Variants in ARHGAP10 observed in about 807,000 individuals in gnomAD.
ARHGAP10 encodes the protein rho GTPase-activating protein 10.
Under a neutral mutation model 108.6 loss-of-function variants are expected in ARHGAP10, and 87 were observed. That is an observed-to-expected ratio of 0.80 (90% confidence interval 0.67 to 0.96). The LOEUF is 0.96. Among genes scored for constraint, ARHGAP10 ranks in the 40% least tolerant of loss-of-function variants. The pLI, the probability that ARHGAP10 is intolerant of heterozygous loss-of-function variation, is 0.00. For synonymous variants in ARHGAP10, 347 were observed against 341.1 expected, an observed-to-expected ratio of 1.02 and a Z score of -0.19; for missense variants, 939 against 954.5, an observed-to-expected ratio of 0.98 and a Z score of 0.21.
intron 1 of ARHGAP10, among the ~76,000 whole-genome samples, chr4:147,757,110 A>T (rs1427155760): frequency 6.6e-6 from 1 of 151,594 alleles, no homozygotes; most frequent in Non-Finnish European, 1.5e-5. Context: ...ATCAAAGATG[A>T]TAATCTTTTC....
At chr4:147,883,243 A>G (rs755047679) in intron 10 of ARHGAP10, among the ~76,000 whole-genome samples, 44 of 152,190 alleles carry the variant, frequency 2.9e-4, no homozygotes, top group Admixed American at 6.5e-4. Context: ...GTCAGTGAAA[A>G]AGAGGTTGGG....
intron 3 of ARHGAP10, among the ~76,000 whole-genome samples, chr4:147,838,007 T>G (rs1385840157): frequency 1.3e-5 from 2 of 152,200 alleles, no homozygotes; most frequent in African/African-American, 4.8e-5. Flanking sequence ...CCTTCATCAT[T>G]TACTTGATTA....
intron 1 of ARHGAP10, among the ~76,000 whole-genome samples, chr4:147,762,871 G>GAGT (rs1729647783): frequency 6.6e-6 from 1 of 152,060 alleles, no homozygotes; most frequent in Admixed American, 6.6e-5. Flanking sequence ...CTGTGATGGG[G>GAGT]AGTGGGGTAG....
At position 147,990,254 on chromosome 4, in the gene ARHGAP10, G is replaced by GT. The variant is rs1227751335; in HGVS notation, c.1716+23416dup. 3.9e-5 allele frequency among the ~76,000 whole-genome samples: 6 copies of GT among 152,328 alleles called. No individual in the cohort carries two copies. The East Asian group carries it at 1.2e-3, about 29-fold the overall frequency. On this transcript the variant is annotated intron_variant, in intron 18 of 22. Coordinates refer to ENST00000336498, the MANE Select transcript of ARHGAP10 (RefSeq NM_024605.4). ...GCATTTAGTTAGTGATAACCAGTAG[G>GT]TAAGCGTTTGCACAAATCTCAGTTC...
intron 1 of ARHGAP10, among the ~76,000 whole-genome samples, chr4:147,809,415 G>A (rs934595586): frequency 1.3e-5 from 2 of 151,844 alleles, no homozygotes; most frequent in African/African-American, 4.8e-5. Flanking sequence ...TCTTTTTAAT[G>A]GTTCCACCAA....
chr4:147,786,661 C>T (rs1026230322), intron 1 of ARHGAP10, among the ~76,000 whole-genome samples: 1 of 152,106 alleles, frequency 6.6e-6, no homozygotes, highest in Non-Finnish European at 1.5e-5. Flanking sequence ...TTATGCAGGT[C>T]GTGCATATGG....
chr4:148,000,375 T>C (rs1486451938), intron 18 of ARHGAP10, among the ~76,000 whole-genome samples: 1 of 152,214 alleles, frequency 6.6e-6, no homozygotes, highest in East Asian at 1.9e-4. Context: ...TGAATAGTGC[T>C]GCAATAAACA....
intron 18 of ARHGAP10, among the ~76,000 whole-genome samples, chr4:148,016,567 A>G (rs976692036): frequency 4.6e-5 from 7 of 152,200 alleles, no homozygotes; most frequent in African/African-American, 1.7e-4. Context: ...TTATAACACA[A>G]CAATCAACAC....
chr4:147,763,343 C>T (rs543115665), intron 1 of ARHGAP10, among the ~76,000 whole-genome samples: 158 of 146,122 alleles, frequency 1.1e-3, no homozygotes, highest in African/African-American at 3.5e-3. Context: ...GAGACAGTCT[C>T]GCTCTGTCGC....
intron 19 of ARHGAP10, among the ~76,000 whole-genome samples, chr4:148,042,236 T>G (rs1728664283): frequency 6.6e-6 from 1 of 152,232 alleles, no homozygotes; most frequent in South Asian, 2.1e-4. Context: ...TCTCTCACCC[T>G]TCACCTTTGT....
chr4:147,906,590 C>A, intron 10 of ARHGAP10, 48 bp from the exon 11 acceptor site: 1 of 1,589,388 alleles, frequency 6.3e-7, no homozygotes, highest in Non-Finnish European at 8.6e-7. Flanking sequence ...GAAAAACTTG[C>A]CTTTTAGTGG....
intron 10 of ARHGAP10, among the ~76,000 whole-genome samples, chr4:147,903,220 C>T (rs1168098469): frequency 1.3e-5 from 2 of 152,176 alleles, no homozygotes. Flanking sequence ...CTGATCTTAG[C>T]TCCTCCAGAG....
At chr4:147,784,687 A>C (rs1356338818) in intron 1 of ARHGAP10, among the ~76,000 whole-genome samples, 1 of 80,608 alleles carries the variant, frequency 1.2e-5, no homozygotes, top group Non-Finnish European at 2.2e-5. Flanking sequence ...ATAAATATAA[A>C]ATATATATTA....
chr4:148,059,224 T>A (rs1729495260), intron 20 of ARHGAP10, among the ~76,000 whole-genome samples: 2 of 152,252 alleles, frequency 1.3e-5, no homozygotes, highest in African/African-American at 4.8e-5. Context: ...AGCGAACAGA[T>A]ATTAGCAGTT....
At chr4:147,926,741 G>A (rs1737475973) in intron 13 of ARHGAP10, among the ~76,000 whole-genome samples, 1 of 152,110 alleles carries the variant, frequency 6.6e-6, no homozygotes, top group Non-Finnish European at 1.5e-5. Flanking sequence ...AGAGGGATAG[G>A]AGGCGAAGGA....
intron 18 of ARHGAP10, among the ~76,000 whole-genome samples, chr4:147,976,577 G>A (rs1449481741): frequency 6.9e-6 from 1 of 144,998 alleles, no homozygotes; most frequent in Non-Finnish European, 1.5e-5. Flanking sequence ...GCAGGGCTTT[G>A]CATTTTCTGG....
chr4:148,012,013 T>A (rs765752580), intron 18 of ARHGAP10, among the ~76,000 whole-genome samples: 10 of 152,218 alleles, frequency 6.6e-5, no homozygotes, highest in Non-Finnish European at 1.2e-4. Flanking sequence ...TGACCCAATT[T>A]GACAGGTGGG....
intron 4 of ARHGAP10, chr4:147,854,878 A>C: frequency 3.0e-6 from 3 of 985,194 alleles, no homozygotes; most frequent in Non-Finnish European, 3.6e-6. Flanking sequence ...TTCTTGGCTA[A>C]ATTCTTTCTT....
chr4:148,007,132 T>C (rs900127468), intron 18 of ARHGAP10, among the ~76,000 whole-genome samples: 2 of 152,248 alleles, frequency 1.3e-5, no homozygotes, highest in African/African-American at 4.8e-5. Flanking sequence ...GGTTACTGTT[T>C]AGAGAGCTAA....
Sources: gnomAD v4.1 joint callset for allele counts (sites outside exome capture counted in the v4.1 genomes callset) on GRCh38, gnomAD v4.1.1 for gene constraint, MANE v1.5 for transcripts, NCBI Gene and HGNC (gene_info 2026-07-23, HGNC 2026-07-21) for gene names.